The following HSPA4 variants were observed in gnomAD, a reference collection of about 807,000 sequenced individuals.
The protein encoded by HSPA4 is heat shock 70 kDa protein 4.
HSPA4 carries 25 observed loss-of-function variants against 106.2 expected under a neutral mutation model. That is an observed-to-expected ratio of 0.24 (90% CI 0.17 to 0.33). HSPA4 has a LOEUF of 0.33. Ranked by LOEUF, HSPA4 falls within the 10% of genes least tolerant of loss-of-function variation. The pLI, the probability that HSPA4 is intolerant of heterozygous loss-of-function variation, is 1.00. For missense variants in HSPA4, 841 were observed against 996.0 expected, an observed-to-expected ratio of 0.84 and a Z score of 2.10; for synonymous variants, 332 against 333.6, an observed-to-expected ratio of 1.00 and a Z score of 0.05.
intron 6 of HSPA4, among the ~76,000 whole-genome samples, chr5:133,074,840 G>A (rs1295528827): frequency 6.6e-6 from 1 of 152,216 alleles, no homozygotes; most frequent in Non-Finnish European, 1.5e-5. Context: ...GCTGGTTTAT[G>A]CTAGTTCCAC....
chr5:133,077,503 A>G (rs1208062000), intron 7 of HSPA4, among the ~76,000 whole-genome samples: 2 of 152,144 alleles, frequency 1.3e-5, no homozygotes, highest in Non-Finnish European at 2.9e-5. Context: ...CTCCCAAAGT[A>G]TGAGGATTAC....
chr5:133,099,502 T>C (rs1334439100), intron 15 of HSPA4, 43 bp from the exon 16 acceptor site: 9 of 1,025,712 alleles, frequency 8.8e-6, no homozygotes, highest in Non-Finnish European at 1.4e-5. Context: ...ATTGGGGATG[T>C]AATTTTTGAT....
chr5:133,053,901 C>T (rs1225460611), intron 1 of HSPA4, among the ~76,000 whole-genome samples: 5 of 151,876 alleles, frequency 3.3e-5, no homozygotes, highest in African/African-American at 7.3e-5. Flanking sequence ...CTCAAGTGAT[C>T]CTCCCGCCTC....
chr5:133,069,414 T>G (rs1765353341), intron 3 of HSPA4, among the ~76,000 whole-genome samples: 1 of 152,136 alleles, frequency 6.6e-6, no homozygotes, highest in Non-Finnish European at 1.5e-5. Flanking sequence ...CATGCCCAGC[T>G]AATTTTTTGT....
chr5:133,089,820 C>T (rs968723605), intron 11 of HSPA4, 125 bp downstream of exon 11: 2 of 644,454 alleles, frequency 3.1e-6, no homozygotes, highest in African/African-American at 1.8e-5. Context: ...TCGAGATCAG[C>T]CTGGGCAACA....
intron 1 of HSPA4, among the ~76,000 whole-genome samples, chr5:133,056,906 G>T (rs1285714791): frequency 2.6e-5 from 4 of 151,916 alleles, no homozygotes; most frequent in Admixed American, 2.0e-4. Flanking sequence ...TTGCCATAGT[G>T]CTCAGAATAA....
chr5:133,058,051 A>G (rs1765189642), intron 1 of HSPA4, among the ~76,000 whole-genome samples: 1 of 152,344 alleles, frequency 6.6e-6, no homozygotes, highest in African/African-American at 2.4e-5. Context: ...GGATTAGATA[A>G]TACATGGAAT....
intron 7 of HSPA4, among the ~76,000 whole-genome samples, chr5:133,077,649 C>T (rs2066113085): frequency 6.6e-6 from 1 of 152,114 alleles, no homozygotes; most frequent in South Asian, 2.1e-4. Context: ...TCAGAAACTA[C>T]CCAGAGTGTT....
intron 3 of HSPA4, among the ~76,000 whole-genome samples, chr5:133,067,863 C>T (rs1389021485): frequency 6.7e-6 from 1 of 148,670 alleles, no homozygotes; most frequent in African/African-American, 2.5e-5. Flanking sequence ...TAGGGAATGA[C>T]TTCTGGAAGA....
intron 3 of HSPA4, among the ~76,000 whole-genome samples, chr5:133,069,257 T>A (rs1358781117): frequency 3.3e-5 from 5 of 151,836 alleles, no homozygotes; most frequent in African/African-American, 9.7e-5. Flanking sequence ...ATTTAAAATT[T>A]TTTTTTTTTT....
At chr5:133,067,664 C>T in intron 3 of HSPA4, 107 bp downstream of exon 3, 1 of 1,013,870 alleles carries the variant, frequency 9.9e-7, no homozygotes. Flanking sequence ...AAAATGCTTA[C>T]AGTTGCTTAG....
At chr5:133,095,549 T>TG (rs1202227050) in intron 13 of HSPA4, among the ~76,000 whole-genome samples, 1 of 152,164 alleles carries the variant, frequency 6.6e-6, no homozygotes, top group Non-Finnish European at 1.5e-5. Context: ...TATAAATAGT[T>TG]ACAGACATTA....
intron 1 of HSPA4, among the ~76,000 whole-genome samples, chr5:133,052,579 C>G (rs1403442289): frequency 6.6e-6 from 1 of 152,214 alleles, no homozygotes; most frequent in Non-Finnish European, 1.5e-5. Flanking sequence ...TCCCCGGTGG[C>G]CCGTCGGCCG....
chr5:133,078,784 A>G (rs1039303983), intron 7 of HSPA4, among the ~76,000 whole-genome samples: 1 of 151,508 alleles, frequency 6.6e-6, no homozygotes, highest in African/African-American at 2.4e-5. Context: ...CCTAGGCTGG[A>G]GTGTAGTGGT....
chr5:133,098,244 C>T (rs1215711291), intron 15 of HSPA4, among the ~76,000 whole-genome samples: 1 of 152,168 alleles, frequency 6.6e-6, no homozygotes, highest in African/African-American at 2.4e-5. Context: ...CATTATTTTG[C>T]TACTTTTTAT....
At chr5:133,056,709 G>C (rs1204316043) in intron 1 of HSPA4, among the ~76,000 whole-genome samples, 3 of 152,104 alleles carry the variant, frequency 2.0e-5, no homozygotes, top group African/African-American at 7.2e-5. Flanking sequence ...TTATTGTATA[G>C]ATTTCCAGAG....
intron 7 of HSPA4, among the ~76,000 whole-genome samples, chr5:133,080,441 AC>A (rs1561581291): frequency 8.6e-4 from 125 of 144,564 alleles, no homozygotes; most frequent in African/African-American, 3.0e-3. Flanking sequence ...AAAAAAAAAA[AC>A]CCAATAATTT....
At chr5:133,073,853 A>G (rs936906860) in intron 5 of HSPA4, 140 bp from the exon 6 acceptor site, 1 of 502,246 alleles carries the variant, frequency 2.0e-6, no homozygotes, top group Non-Finnish European at 3.4e-6. Context: ...AATAAATTAT[A>G]CAGTGCTTAT....
chr5:133,058,416 G>A (rs369643514), intron 1 of HSPA4, among the ~76,000 whole-genome samples: 21 of 152,240 alleles, frequency 1.4e-4, no homozygotes, highest in African/African-American at 2.2e-4. Context: ...AGTGGCTCAC[G>A]CCTGTAATCT....
Sources: gnomAD v4.1 joint callset for allele counts (sites outside exome capture counted in the v4.1 genomes callset) on GRCh38, gnomAD v4.1.1 for gene constraint, MANE v1.5 for transcripts, NCBI Gene and HGNC (gene_info 2026-07-23, HGNC 2026-07-21) for gene names.